Variants in TEX15 observed in about 807,000 individuals in gnomAD.
TEX15 encodes testis-expressed protein 15.
In TEX15, 171 loss-of-function variants were observed where a neutral mutation model predicts 237.3. The observed-to-expected ratio is 0.72, with a 90% CI of 0.64 to 0.82. The LOEUF (loss-of-function observed/expected upper bound fraction) is 0.82. Among genes scored for constraint, TEX15 ranks in the 40% least tolerant of loss-of-function variants. The probability of loss-of-function intolerance (pLI) is 0.00; values close to 1 mark genes in which losing one functional copy is unlikely to be tolerated. For synonymous variants in TEX15, 1,338 were observed against 1,269.8 expected, an observed-to-expected ratio of 1.05 and a Z score of -1.14; for missense variants, 3,750 against 3,646.5, an observed-to-expected ratio of 1.03 and a Z score of -0.73.
intron 1 of TEX15, among the ~76,000 whole-genome samples, chr8:30,911,394 C>T (rs112287710): frequency 3.3e-5 from 5 of 152,310 alleles, no homozygotes; most frequent in African/African-American, 1.2e-4. Context: ...TCATGCGATC[C>T]GCCCGCCTTG....
At chr8:30,851,815 T>C (rs1332813721) in intron 7 of TEX15, among the ~76,000 whole-genome samples, 4 of 151,918 alleles carry the variant, frequency 2.6e-5, no homozygotes, top group Non-Finnish European at 5.9e-5. Context: ...TTGCCTGTAG[T>C]CCCAGTTACT....
At chr8:30,912,088 C>CT (rs1809232911) in intron 1 of TEX15, among the ~76,000 whole-genome samples, 1 of 152,230 alleles carries the variant, frequency 6.6e-6, no homozygotes, top group African/African-American at 2.4e-5. Context: ...TCGGGGGACG[C>CT]TCCCCTCAGG....
In TEX15 at chr8:30,837,418, G is replaced by T; in HGVS notation, c.8866C>A (p.Pro2956Thr). ...IPTLQINKLQ[P>T]TETESEDKYM... ...TTGTCCTCTGACTCAGTTTCTGTAG[G>T]CTGTAGTTTGTTTATCTGCAGAGTA... The change falls in exon 10 of 11, where the codon CCT (proline) becomes ACT (threonine). Residue 2956 changes from proline (P) to threonine (T), a missense_variant. Transcript: ENST00000643185. The T allele has an allele frequency of 6.2e-7, 1 of 1,614,110 alleles. No homozygotes were observed. Among genetic ancestry groups the T allele is most frequent in the Non-Finnish European group, 8.5e-7 (1 of 1,180,002 alleles).
At chr8:30,868,541 A>G (rs770799154) in intron 4 of TEX15, among the ~76,000 whole-genome samples, 7 of 152,076 alleles carry the variant, frequency 4.6e-5, no homozygotes, top group Admixed American at 2.0e-4. Context: ...TACCATGCAC[A>G]TAAGTATATT....
intron 3 of TEX15, among the ~76,000 whole-genome samples, chr8:30,875,333 A>C (rs963533447): frequency 5.9e-5 from 9 of 152,370 alleles, no homozygotes; most frequent in African/African-American, 1.9e-4. Flanking sequence ...AAGAGTTCTT[A>C]AAAGTTGACA....
At chr8:30,911,145 A>G (rs1443371079) in intron 1 of TEX15, among the ~76,000 whole-genome samples, 1 of 152,116 alleles carries the variant, frequency 6.6e-6, no homozygotes, top group Non-Finnish European at 1.5e-5. Context: ...TTTGAGACAG[A>G]GTCTCGCTCT....
intron 7 of TEX15, among the ~76,000 whole-genome samples, chr8:30,853,760 C>A (rs1310600563): frequency 6.6e-6 from 1 of 151,996 alleles, no homozygotes; most frequent in Admixed American, 6.6e-5. Flanking sequence ...AGACTATATG[C>A]TAGGTTATAC....
At chr8:30,897,952 T>G (rs1050131158) in intron 2 of TEX15, among the ~76,000 whole-genome samples, 1 of 152,194 alleles carries the variant, frequency 6.6e-6, no homozygotes. Context: ...CATGAGCCAC[T>G]AAGCTGGGCC....
At chr8:30,893,360 T>C (rs1246394585) in intron 2 of TEX15, among the ~76,000 whole-genome samples, 3 of 152,240 alleles carry the variant, frequency 2.0e-5, no homozygotes, top group African/African-American at 7.2e-5. Context: ...AGCAACCTTG[T>C]TAAGCTCTTA....
intron 5 of TEX15, among the ~76,000 whole-genome samples, chr8:30,865,426 T>A (rs1808139673): frequency 6.6e-6 from 1 of 152,026 alleles, no homozygotes. Context: ...TCAAAAAAAT[T>A]GAAGGGGAGG....
chr8:30,910,095 T>C (rs1472136480), intron 1 of TEX15, among the ~76,000 whole-genome samples: 1 of 152,074 alleles, frequency 6.6e-6, no homozygotes, highest in Non-Finnish European at 1.5e-5. Flanking sequence ...AATTTTTGGG[T>C]ACTGTGAAAA....
intron 2 of TEX15, among the ~76,000 whole-genome samples, chr8:30,894,657 T>C (rs997872204): frequency 3.9e-5 from 6 of 152,200 alleles, no homozygotes; most frequent in Non-Finnish European, 8.8e-5. Context: ...GATATCCATG[T>C]GCAAAAGAAT....
rs768095745 is a variant in TEX15, at chr8:30,848,395, G to A, written c.1772C>T (p.Thr591Ile). 1.9e-6 allele frequency: 3 copies of A among 1,614,074 alleles called. No individual in the cohort carries two copies. The highest frequency in any genetic ancestry group is 2.2e-5 in the East Asian group (1 of 44,878). The change falls in exon 8 of 11, where the codon ACA becomes ATA. Residue 591 changes from threonine to isoleucine, a missense_variant. By Grantham distance (89) the Thr-to-Ile change is moderately conservative. Transcript: ENST00000643185. ...FQDSQSSDLK[T>I]IYQTGCQTST... ...CGTTTGGCAACCAGTCTGATAAATT[G>A]TTTTTAAATCAGAAGACTGCGAGTC...
chr8:30,869,373 G>A lies in TEX15; in HGVS notation c.303-1871C>T, dbSNP rs140989334. Among the ~76,000 whole-genome samples, 282 of 152,044 alleles carry A rather than the reference G, an allele frequency of 1.9e-3. 2 individuals are homozygous for A. The highest frequency in any genetic ancestry group is 6.3e-3 in the African/African-American group (261 of 41,480). Reference sequence around the variant, plus strand: ...CTAGCAGAAATTCTTAAGCTTGCAGGATGGCATATAAGAAAACTTACCGAA... The same window carrying A: ...CTAGCAGAAATTCTTAAGCTTGCAGAATGGCATATAAGAAAACTTACCGAA... On this transcript the variant is annotated intron_variant, in intron 4 of 10. Coordinates refer to ENST00000643185, the MANE Select transcript of TEX15 (RefSeq NM_001350162.2).
Position 30,837,849 on chromosome 8 carries a change from T to C in TEX15, c.8435A>G (p.Gln2812Arg). Residue 2812 changes from glutamine (Q) to arginine (R), a missense_variant, in exon 10 of 11, where the codon CAG (glutamine) becomes CGG (arginine). Physicochemically the swap from Gln to Arg is conservative, Grantham distance 43. Transcript: ENST00000643185. ...TTTCTTCATGCTATTTAAATTTTCC[T>C]GTTGTCCACTGAAGTGATCAGATGA... ...TVSSDHFSGQ[Q>R]ENLNSMKKRN... 2 of 1,614,148 alleles carry C rather than the reference T, an allele frequency of 1.2e-6. No individual in the cohort carries two copies. Among genetic ancestry groups the C allele is most frequent in the East Asian group, 4.5e-5 (2 of 44,884 alleles).
intron 7 of TEX15, among the ~76,000 whole-genome samples, chr8:30,853,056 AC>A (rs1364641730): frequency 6.6e-6 from 1 of 152,228 alleles, no homozygotes; most frequent in African/African-American, 2.4e-5. Context: ...TGTGGCTATG[AC>A]TGTGGGCATA....
intron 1 of TEX15, among the ~76,000 whole-genome samples, chr8:30,906,231 T>C (rs1673640246): frequency 6.6e-6 from 1 of 152,204 alleles, no homozygotes; most frequent in Admixed American, 6.5e-5. Flanking sequence ...TCCTCCATTC[T>C]TCTTCAAATA....
chr8:30,848,695 G>A lies in TEX15; in HGVS notation c.1472C>T (p.Thr491Ile), dbSNP rs1193621965. ...AAAGCAAGGGGTATCCAAACCATTA[G>A]TAAGAACAGCACAATCACCAGGGAC... The part of the protein sequence containing the change: ...EVVPGDCAVL[T>I]NGLDTPCFKT... The change falls in exon 8 of 11, where the codon ACT becomes ATT. Residue 491 changes from threonine to isoleucine, a missense_variant. Thr to Ile is a moderately conservative substitution (Grantham distance 89, BLOSUM62 -1). Coordinates refer to ENST00000643185, the MANE Select transcript of TEX15 (RefSeq NM_001350162.2). 6.2e-7 allele frequency: 1 copy of A among 1,614,200 alleles called. No individual in the cohort carries two copies. The highest frequency in any genetic ancestry group is 1.3e-5 in the African/African-American group (1 of 75,050).
chr8:30,846,639 T>C lies in TEX15; in HGVS notation c.3528A>G (p.Ala1176=), dbSNP rs1409189993. 6.2e-7 allele frequency: 1 copy of C among 1,613,934 alleles called. No homozygotes were observed. Among genetic ancestry groups the C allele is most frequent in the Non-Finnish European group, 8.5e-7 (1 of 1,179,856 alleles). Reference sequence around the variant, plus strand: ...CATGTGTGCAAAAACTATCTTTCAATGCAAGGGAGTCAGCTGTCGGGCTGA... The same window carrying C: ...CATGTGTGCAAAAACTATCTTTCAACGCAAGGGAGTCAGCTGTCGGGCTGA... ...PGFSPTADSL[A]LKDSFCTHVT... The change falls in exon 8 of 11, where the codon GCA becomes GCG. Residue 1176 remains alanine, a synonymous_variant. Transcript: ENST00000643185.
Sources: gnomAD v4.1 joint callset for allele counts (sites outside exome capture counted in the v4.1 genomes callset) on GRCh38, gnomAD v4.1.1 for gene constraint, MANE v1.5 for transcripts, NCBI Gene and HGNC (gene_info 2026-07-23, HGNC 2026-07-21) for gene names.